Variants in AGO4 observed in about 807,000 individuals in gnomAD.
AGO4 encodes argonaute RISC component 4, also known as protein argonaute-4.
A neutral mutation model predicts 104.7 loss-of-function variants in AGO4; 33 were observed. The ratio of observed to expected loss-of-function variants is 0.32; its 90% CI spans 0.24 to 0.42. AGO4 has a LOEUF of 0.42. Ranked by LOEUF, AGO4 falls within the 10% of genes least tolerant of loss-of-function variation. The pLI, the probability that AGO4 is intolerant of heterozygous loss-of-function variation, is 1.00. For missense variants in AGO4, 711 were observed against 1,083.4 expected (o/e 0.66, Z 4.83); for synonymous variants, 331 against 364.7 (o/e 0.91, Z 1.05).
chr1:35,818,151 AAT>A lies in AGO4; in HGVS notation c.185+1111_185+1112del, dbSNP rs1643771363. Among the ~76,000 whole-genome samples, 6 of 152,346 alleles carry A rather than the reference AAT, an allele frequency of 3.9e-5. No homozygotes were observed. The South Asian group carries it at 1.2e-3, about 32-fold the overall frequency. ...GAGCACTGAGATTTATATATGAATG[AAT>A]ATATATGTTTATATATACATATACA... On this transcript the variant is annotated intron_variant, in intron 2 of 17. Coordinates refer to ENST00000373210, the MANE Select transcript of AGO4 (RefSeq NM_017629.4).
At chr1:35,837,437 G>A (rs1418205808) in intron 13 of AGO4, among the ~76,000 whole-genome samples, 1 of 151,372 alleles carries the variant, frequency 6.6e-6, no homozygotes. Context: ...GGAGTGCAGT[G>A]ATGTGATCAT....
rs1226316486 is a variant in AGO4 at position 35,856,410 on chromosome 1, G to A, written c.*2805G>A. ...ATCAATGGGAGGTGTGCATTCTCTAGAAGTAGTTTTAGGCTGTTTGGTTTG... is the reference window on the plus strand; with the variant it reads ...ATCAATGGGAGGTGTGCATTCTCTAAAAGTAGTTTTAGGCTGTTTGGTTTG... On this transcript the variant is annotated 3_prime_UTR_variant, in exon 18 of 18. Transcript: ENST00000373210. 5 of 152,266 alleles carry A rather than the reference G, an allele frequency of 3.3e-5. 1 individual carries two copies. In the South Asian group the frequency reaches 8.3e-4, roughly 25 times the overall value. The allele number at this position is 152,266 out of a possible 1,614,324, so 9.4% of individuals were successfully genotyped here. A position where few individuals can be genotyped will look rare whatever the true frequency, so the allele number is the denominator to read the frequency against.
At chr1:35,823,083 T>TG (rs1643922822) in intron 3 of AGO4, 101 bp downstream of exon 3, 1 of 1,399,408 alleles carries the variant, frequency 7.1e-7, no homozygotes, top group African/African-American at 1.4e-5. Flanking sequence ...ACATAAATGT[T>TG]TGAGGTGATG....
chr1:35,828,000 C>T (rs1172526303), intron 7 of AGO4, among the ~76,000 whole-genome samples: 1 of 151,736 alleles, frequency 6.6e-6, no homozygotes, highest in Non-Finnish European at 1.5e-5. Context: ...CCGCCTCGGC[C>T]TCCCAAAGTG....
intron 12 of AGO4, 88 bp from the exon 13 acceptor site, chr1:35,835,746 A>C: frequency 8.7e-7 from 1 of 1,149,944 alleles, no homozygotes. Context: ...AGTAGGTTAT[A>C]AAGTTAATGT....
rs1416944627 is a variant in AGO4, at chr1:35,856,033, G to A, written c.*2428G>A. ...CCGAAAGCCCTGATTAGCTTGTCTT[G>A]CTCTACGCTCGACCTCGAACAATAC... On this transcript the variant is annotated 3_prime_UTR_variant, in exon 18 of 18. Transcript: ENST00000373210. 1.3e-5 allele frequency: 2 copies of A among 152,292 alleles called. No homozygotes were observed. The highest frequency in any genetic ancestry group is 4.8e-5 in the African/African-American group (2 of 41,460). The allele number at this position is 152,292 out of a possible 1,614,324, so 9.4% of individuals were successfully genotyped here.
At position 35,822,961 on chromosome 1, in the gene AGO4, A is replaced by G. The variant is rs752790403; in HGVS notation, c.285A>G (p.Pro95=). The G allele has an allele frequency of 1.7e-5, 28 of 1,613,964 alleles. 2 individuals are homozygous for G. The South Asian group carries it at 3.1e-4, about 18-fold the overall frequency. Residue 95 remains proline (P), a synonymous_variant, in exon 3 of 18, where the codon CCA becomes CCG. Coordinates refer to ENST00000373210, the MANE Select transcript of AGO4 (RefSeq NM_017629.4). ...AAAGAAACATGTACACAGCACATCC[A>G]CTACCAATTGGACGGGATAGGGTAA... ...DGKRNMYTAH[P]LPIGRDRVDM...
intron 13 of AGO4, 115 bp downstream of exon 13, chr1:35,836,108 G>A: frequency 1.8e-6 from 2 of 1,126,464 alleles, no homozygotes; most frequent in Non-Finnish European, 2.5e-6. Context: ...GTATATATAT[G>A]CACCCATATA....
intron 13 of AGO4, among the ~76,000 whole-genome samples, chr1:35,838,043 T>C (rs989444247): frequency 8.6e-5 from 13 of 151,830 alleles, no homozygotes; most frequent in Non-Finnish European, 1.9e-4. Flanking sequence ...CCACCATGCC[T>C]GCCTATTTAT....
chr1:35,832,671 T>C (rs1486414843), intron 11 of AGO4, 101 bp downstream of exon 11: 4 of 1,397,616 alleles, frequency 2.9e-6, no homozygotes, highest in Non-Finnish European at 3.8e-6. Context: ...AATCCCTGAC[T>C]CCCATAGTGA....
rs1644829753 is a variant in AGO4, at chr1:35,856,888, T to TTGG, written c.*3292_*3294dup. The TTGG allele has an allele frequency of 6.6e-6, 1 of 151,598 alleles. No homozygotes were observed. Among genetic ancestry groups the TTGG allele is most frequent in the Non-Finnish European group, 1.5e-5 (1 of 67,992 alleles). The allele number at this position is 151,598 out of a possible 1,614,324, so 9.4% of individuals were successfully genotyped here. The stretch of plus-strand genomic sequence containing the variant: ...ACCCAAATGTTGAACCAATTATGTT[T>TTGG]TGGTGGTGGTGTTCTTAGCTGTTGA... On this transcript the variant is annotated 3_prime_UTR_variant, in exon 18 of 18. Coordinates refer to ENST00000373210, the MANE Select transcript of AGO4 (RefSeq NM_017629.4).
At chr1:35,815,972 G>T (rs1351182319) in intron 1 of AGO4, among the ~76,000 whole-genome samples, 1 of 152,140 alleles carries the variant, frequency 6.6e-6, no homozygotes, top group Non-Finnish European at 1.5e-5. Context: ...CTGAATAAAT[G>T]AATAAATGTC....
chr1:35,815,677 A>G (rs1021107251), intron 1 of AGO4, among the ~76,000 whole-genome samples: 2 of 152,112 alleles, frequency 1.3e-5, no homozygotes, highest in Non-Finnish European at 2.9e-5. Flanking sequence ...GGGTTTCTCA[A>G]CCTCTTTCTC....
intron 11 of AGO4, 138 bp downstream of exon 11, chr1:35,832,708 T>G: frequency 1.7e-6 from 2 of 1,154,140 alleles, no homozygotes; most frequent in Non-Finnish European, 2.3e-6. Flanking sequence ...GAAAAAGACC[T>G]TGTATTATAG....
At chr1:35,851,755 A>G (rs183066179) in intron 17 of AGO4, among the ~76,000 whole-genome samples, 1 of 152,228 alleles carries the variant, frequency 6.6e-6, no homozygotes, top group Non-Finnish European at 1.5e-5. Flanking sequence ...AAAATGTCCA[A>G]CTGTGGCTTT....
intron 16 of AGO4, 36 bp from the exon 17 acceptor site, chr1:35,850,817 CA>C (rs11403763): frequency 1.2e-5 from 12 of 978,414 alleles, no homozygotes; most frequent in African/African-American, 1.9e-5. Context: ...AAAAAACGAA[CA>C]AAAAAAAAAC....
At chr1:35,851,255 G>A (rs941855212) in intron 17 of AGO4, 12 of 593,700 alleles carry the variant, frequency 2.0e-5, no homozygotes, top group South Asian at 6.2e-5. Context: ...CTTGTGTTGT[G>A]TCTCTAAAGG....
intron 1 of AGO4, among the ~76,000 whole-genome samples, chr1:35,811,403 A>G (rs953427985): frequency 1.3e-5 from 2 of 150,168 alleles, no homozygotes; most frequent in Admixed American, 1.3e-4. Flanking sequence ...CGGAAGTTGC[A>G]GTGAGCCGAG....
intron 12 of AGO4, among the ~76,000 whole-genome samples, chr1:35,835,173 C>T (rs1219486588): frequency 2.6e-5 from 4 of 152,056 alleles, no homozygotes; most frequent in African/African-American, 9.7e-5. Context: ...TCTCCTGCCT[C>T]AGCCCCCCCA....
Sources: allele counts gnomAD v4.1 joint callset (sites outside exome capture counted in the v4.1 genomes callset), GRCh38; gene constraint gnomAD v4.1.1; transcripts MANE v1.5; gene names NCBI Gene and HGNC (gene_info 2026-07-23, HGNC 2026-07-21).